Variants in CHI3L2 observed in about 807,000 individuals in gnomAD.
CHI3L2 encodes chitinase 3 like 2.
In CHI3L2, 47 loss-of-function variants were observed where a neutral mutation model predicts 47.3. That is an observed-to-expected ratio of 0.99 (90% CI 0.79 to 1.27). The LOEUF is 1.27. Among genes scored for constraint, CHI3L2 ranks in the 50% most tolerant of loss-of-function variants. The probability of loss-of-function intolerance (pLI) is 0.00; values close to 1 mark genes in which losing one functional copy is unlikely to be tolerated. For missense variants in CHI3L2, 497 were observed against 462.1 expected (o/e 1.08, Z -0.69); for synonymous variants, 198 against 169.9 (o/e 1.17, Z -1.28).
rs759544414 is a variant in CHI3L2, at chr1:111,241,399, A to T, written c.991A>T (p.Asn331Tyr). 5 of 1,609,862 alleles carry T rather than the reference A, an allele frequency of 3.1e-6. No homozygotes were observed. In the South Asian group the frequency reaches 4.4e-5, roughly 14 times the overall value. The change falls in exon 9 of 11, where the codon AAC becomes TAC. Residue 331 changes from asparagine to tyrosine, a missense_variant. Transcript: ENST00000369748. ...DQQVPYAVKG[N>Y]QWVGYDDVKS... is the part of the protein sequence containing the mutation. Reference sequence around the variant, plus strand: ...GCAGGTTCCCTACGCAGTCAAGGGGAACCAGTGGGTGGGCTATGATGATGT... The same window carrying T: ...GCAGGTTCCCTACGCAGTCAAGGGGTACCAGTGGGTGGGCTATGATGATGT...
At chr1:111,235,090 A>G (rs764840676) in intron 5 of CHI3L2, 33 bp downstream of exon 5, 8 of 1,608,424 alleles carry the variant, frequency 5.0e-6, no homozygotes, top group South Asian at 2.2e-5. Flanking sequence ...CATGTGAGTC[A>G]GATGCCACGG....
chr1:111,237,043 G>T (rs1215666984), intron 7 of CHI3L2, among the ~76,000 whole-genome samples: 4 of 152,174 alleles, frequency 2.6e-5, no homozygotes, highest in African/African-American at 4.8e-5. Context: ...TGCAAGATCT[G>T]CAAAATATCT....
intron 5 of CHI3L2, 56 bp from the exon 6 acceptor site, chr1:111,235,583 T>C: frequency 6.3e-7 from 1 of 1,575,114 alleles, no homozygotes; most frequent in Non-Finnish European, 8.6e-7. Flanking sequence ...GGCAAGAAGC[T>C]TAGCACTGTA....
Position 111,242,307 on chromosome 1 carries a change from C to T in CHI3L2, c.1116C>T (p.Cys372=). ...TGGATGACTTCACTGGCAAATCCTG[C>T]AACCAGGGCCCTTACCCTCTTGTCC... is the stretch of plus-strand genomic sequence containing the variant. ...IDMDDFTGKS[C]NQGPYPLVQA... Residue 372 remains cysteine, a synonymous_variant, in exon 10 of 11, where the codon TGC becomes TGT. Coordinates refer to ENST00000369748, the MANE Select transcript of CHI3L2 (RefSeq NM_004000.3). 3.7e-6 allele frequency: 6 copies of T among 1,613,982 alleles called. No individual in the cohort carries two copies. Among genetic ancestry groups the T allele is most frequent in the Non-Finnish European group, 4.2e-6 (5 of 1,179,950 alleles).
chr1:111,241,503 C>A (rs1660057188), intron 9 of CHI3L2, 60 bp downstream of exon 9: 1 of 859,206 alleles, frequency 1.2e-6, no homozygotes, highest in Non-Finnish European at 2.0e-6. Flanking sequence ...TAGTAAAATG[C>A]CTGAATACTC....
At chr1:111,235,291 G>T (rs191499909) in intron 5 of CHI3L2, among the ~76,000 whole-genome samples, 3 of 152,292 alleles carry the variant, frequency 2.0e-5, no homozygotes, top group African/African-American at 4.8e-5. Flanking sequence ...CCTTCTTTTT[G>T]ATGAAGAACA....
chr1:111,228,684 G>A (rs1252467374), intron 1 of CHI3L2, among the ~76,000 whole-genome samples: 1 of 152,210 alleles, frequency 6.6e-6, no homozygotes, highest in Non-Finnish European at 1.5e-5. Context: ...CCTAAGCTCT[G>A]CAGGGGAGGA....
chr1:111,235,926 A>G (rs1337298360), intron 6 of CHI3L2, 98 bp from the exon 7 acceptor site: 1 of 1,555,374 alleles, frequency 6.4e-7, no homozygotes, highest in Non-Finnish European at 8.7e-7. Flanking sequence ...GAGACTTTCA[A>G]TCCTTCTAGC....
At chr1:111,232,180 T>G (rs147278004) in intron 4 of CHI3L2, among the ~76,000 whole-genome samples, 26 of 152,320 alleles carry the variant, frequency 1.7e-4, no homozygotes, top group African/African-American at 6.3e-4. Flanking sequence ...GGAAGAAAGA[T>G]CAGGCTACCT....
chr1:111,233,954 G>T (rs969774791), intron 4 of CHI3L2, among the ~76,000 whole-genome samples: 2 of 151,468 alleles, frequency 1.3e-5, no homozygotes, highest in East Asian at 3.9e-4. Context: ...GATTAAGGGC[G>T]GTGCAAGATG....
intron 8 of CHI3L2, among the ~76,000 whole-genome samples, chr1:111,239,692 TAACAA>T (rs1659992123): frequency 6.6e-6 from 1 of 152,180 alleles, no homozygotes; most frequent in Non-Finnish European, 1.5e-5. Flanking sequence ...ATCATAGGGA[TAACAA>T]AATTGTTCTG....
chr1:111,242,443 T>C, intron 10 of CHI3L2, 77 bp downstream of exon 10: 1 of 1,449,664 alleles, frequency 6.9e-7, no homozygotes, highest in South Asian at 1.4e-5. Context: ...GGAGATCATC[T>C]TCACATATTT....
At position 111,231,542 on chromosome 1, in the gene CHI3L2, A is replaced by G. The variant is rs1036392152; in HGVS notation, c.329+248A>G. 1.3e-5 allele frequency: 5 copies of G among 378,968 alleles called. No individual in the cohort carries two copies. The East Asian group carries it at 2.1e-4, about 16-fold the overall frequency. The allele number at this position is 378,968 out of a possible 1,614,324, so 23.5% of individuals were successfully genotyped here. Reference sequence around the variant, plus strand: ...AGGCTTGAGAGAAAGTGGGCCATGAACAATATTCAGAAAATTCTGAATTAT... The same window carrying G: ...AGGCTTGAGAGAAAGTGGGCCATGAGCAATATTCAGAAAATTCTGAATTAT... On this transcript the variant is annotated intron_variant, in intron 4 of 10. Coordinates refer to ENST00000369748, the MANE Select transcript of CHI3L2 (RefSeq NM_004000.3).
At chr1:111,233,251 G>A (rs1049453638) in intron 4 of CHI3L2, among the ~76,000 whole-genome samples, 2 of 152,144 alleles carry the variant, frequency 1.3e-5, no homozygotes, top group African/African-American at 2.4e-5. Flanking sequence ...GGGGAGATCT[G>A]CGTTGCCTAT....
Position 111,234,906 on chromosome 1 carries a change from G to T in CHI3L2, c.330-1G>T, listed in dbSNP as rs978786019. 13 of 1,613,718 alleles carry T rather than the reference G, an allele frequency of 8.1e-6. No homozygotes were observed. The highest frequency in any genetic ancestry group is 5.0e-5 in the Admixed American group (3 of 59,932). On this transcript the variant is annotated splice_acceptor_variant, in intron 4 of 10. Coordinates refer to ENST00000369748, the MANE Select transcript of CHI3L2 (RefSeq NM_004000.3). LOFTEE classifies it high-confidence loss of function. ...AAGACACTCGTATTGCTTCTTTCCAGGTTCCACCCTATGGTGGATTCTTCT... is the reference window on the plus strand; with the variant it reads ...AAGACACTCGTATTGCTTCTTTCCATGTTCCACCCTATGGTGGATTCTTCT...
At chr1:111,233,279 G>A (rs1557707881) in intron 4 of CHI3L2, among the ~76,000 whole-genome samples, 1 of 152,148 alleles carries the variant, frequency 6.6e-6, no homozygotes, top group Non-Finnish European at 1.5e-5. Context: ...CGGGATGCTT[G>A]TTTGGGGACC....
intron 10 of CHI3L2, 56 bp downstream of exon 10, chr1:111,242,422 A>C (rs955461131): frequency 1.3e-6 from 2 of 1,516,402 alleles, no homozygotes; most frequent in Non-Finnish European, 1.8e-6. Context: ...AACAGGGCAC[A>C]GGAGACTGGG....
chr1:111,236,025 G>A lies in CHI3L2; in HGVS notation c.607G>A (p.Asp203Asn), dbSNP rs1436945279. 1.2e-6 allele frequency: 2 copies of A among 1,614,010 alleles called. No individual in the cohort carries two copies. The highest frequency in any genetic ancestry group is 1.7e-5 in the Admixed American group (1 of 59,978). Reference protein sequence around the residue: ...NSYQVEKLAKDLDFINLLSFD... With the variant: ...NSYQVEKLAKNLDFINLLSFD... ...CTCCCATTGCTTTTGGCACTTTAGA[G>A]ATCTGGATTTCATCAACCTCCTGTC... is the stretch of plus-strand genomic sequence containing the variant. Residue 203 changes from aspartate (D) to asparagine (N), a missense_variant and splice_region_variant, in exon 7 of 11, where the codon GAT becomes AAT. Asp to Asn is a conservative substitution (Grantham distance 23, BLOSUM62 1). Coordinates refer to ENST00000369748, the MANE Select transcript of CHI3L2 (RefSeq NM_004000.3).
chr1:111,235,212 C>T (rs1360254614), intron 5 of CHI3L2, among the ~76,000 whole-genome samples, 155 bp downstream of exon 5: 1 of 152,146 alleles, frequency 6.6e-6, no homozygotes, highest in Non-Finnish European at 1.5e-5. Context: ...GAGAGAAAAG[C>T]CCTGATTCCT....
Sources: gnomAD v4.1 joint callset for allele counts (sites outside exome capture counted in the v4.1 genomes callset) on GRCh38, gnomAD v4.1.1 for gene constraint, MANE v1.5 for transcripts, NCBI Gene and HGNC (gene_info 2026-07-23, HGNC 2026-07-21) for gene names.